TUB: variants seen among roughly 807,000 people sequenced by gnomAD.
The protein encoded by TUB is tubby protein homolog.
TUB carries 33 observed loss-of-function variants against 59.7 expected under a neutral mutation model. The observed-to-expected ratio is 0.55, with a 90% CI of 0.42 to 0.74. TUB has a LOEUF of 0.74. TUB is among the 30% of genes least tolerant of loss of function. The pLI is 0.00. For synonymous variants in TUB, 293 were observed against 256.4 expected (o/e 1.14, Z -1.36); for missense variants, 659 against 672.0 (o/e 0.98, Z 0.21).
At chr11:8,046,129 A>C (rs1942828181) in intron 2 of TUB, among the ~76,000 whole-genome samples, 1 of 147,720 alleles carries the variant, frequency 6.8e-6, no homozygotes, top group African/African-American at 2.5e-5. Context: ...TTGCTCTCTC[A>C]CTCTCTAGCT....
At chr11:8,074,739 CTTTTTTTTTTTTTTTTT>C (rs1157516500) in intron 2 of TUB, among the ~76,000 whole-genome samples, 6 of 60,616 alleles carry the variant, frequency 9.9e-5, no homozygotes, top group African/African-American at 4.3e-4. Context: ...GACCTCGTGT[CTTTTTTTTTTTTTTTTT>C]TTTTTTTTGA....
rs375580665 is a variant in TUB at position 8,090,135 on chromosome 11, G to T, written c.157G>T (p.Asp53Tyr). 45 of 1,613,468 alleles carry T rather than the reference G, an allele frequency of 2.8e-5. No homozygotes were observed. Among genetic ancestry groups the T allele is most frequent in the Non-Finnish European group, 3.7e-5 (44 of 1,179,864 alleles). The change falls in exon 3 of 12, where the codon GAT becomes TAT. Residue 53 changes from aspartate to tyrosine, a missense_variant. Asp to Tyr is a radical substitution (Grantham distance 160). Transcript: ENST00000299506. ...QEPLMVQANADGRPRSRRARQ... is the reference protein window; with the variant it reads ...QEPLMVQANAYGRPRSRRARQ... ...GCCCCTGATGGTGCAGGCCAATGCA[G>T]ATGGGCGGCCCCGGAGCCGGCGGGC...
rs201958396 is a variant in TUB, at chr11:8,100,436, T to TC, written c.1117-60dup. On this transcript the variant is annotated intron_variant, in intron 9 of 11. Transcript: ENST00000299506. ...AACTAGCTCTTCCTCTTTATTCCCG[T>TC]CCCCCCCACCTTCTCCAGTAGGTAA... The TC allele has an allele frequency of 6.4e-4, 803 of 1,261,928 alleles. 3 individuals are homozygous for TC. The African/African-American group carries it at 7.3e-3, about 12-fold the overall frequency. 78.2% of individuals were successfully genotyped at this position (1,261,928 alleles called of 1,614,324 possible).
exon 1 of TUB, chr11:8,039,013 G>A (rs907399842): frequency 1.9e-6 from 3 of 1,613,220 alleles, no homozygotes; most frequent in Non-Finnish European, 2.5e-6. Flanking sequence ...CTGAAACGGG[G>A]CCACCGAAGA....
chr11:8,027,184 G>A (rs1386594871), intron 1 of TUB, among the ~76,000 whole-genome samples: 1 of 152,140 alleles, frequency 6.6e-6, no homozygotes, highest in Non-Finnish European at 1.5e-5. Context: ...TACATTCACA[G>A]TATTGTGCAA....
intron 2 of TUB, among the ~76,000 whole-genome samples, chr11:8,069,874 A>T (rs991418911): frequency 5.6e-5 from 8 of 141,986 alleles, no homozygotes; most frequent in African/African-American, 1.9e-4. Flanking sequence ...TGAGAGAAAC[A>T]GGCAAAAAAG....
At chr11:8,064,714 G>T (rs941921441) in intron 2 of TUB, among the ~76,000 whole-genome samples, 2 of 152,220 alleles carry the variant, frequency 1.3e-5, no homozygotes, top group Non-Finnish European at 2.9e-5. Flanking sequence ...ATGAAACCCA[G>T]TGATAGAAAC....
In TUB at chr11:8,074,739, CTTTTTTTTTTTTT is replaced by C. The variant is rs1157516500; in HGVS notation, c.204-14858_204-14846del. 3.3e-5 allele frequency among the ~76,000 whole-genome samples: 2 copies of C among 60,616 alleles called. 1 individual carries two copies. The highest frequency in any genetic ancestry group is 1.4e-4 in the African/African-American group (2 of 14,092). The allele number at this position is 60,616 out of a possible 152,430, so 39.8% of individuals were successfully genotyped here. A position where few individuals can be genotyped will look rare whatever the true frequency, so the allele number is the denominator to read the frequency against. ...TGGGTGATAGAGTGAGACCTCGTGT[CTTTTTTTTTTTTT>C]TTTTTTTTTTTTGAGACGGAGTCTC... On this transcript the variant is annotated intron_variant, in intron 2 of 12. Transcript: ENST00000305253.
upstream of TUB, among the ~76,000 whole-genome samples, chr11:8,033,676 C>CGGCAGAGAT (rs1942607226): frequency 6.6e-6 from 1 of 152,242 alleles, no homozygotes; most frequent in African/African-American, 2.4e-5. Context: ...GGGCCTGGCA[C>CGGCAGAGAT]GGCAGAGATG....
chr11:8,073,422 A>G (rs1047624777), intron 2 of TUB, among the ~76,000 whole-genome samples: 3 of 152,264 alleles, frequency 2.0e-5, no homozygotes, highest in South Asian at 2.1e-4. Flanking sequence ...TTAAATAATC[A>G]TGGTTTTCTT....
chr11:8,088,268 G>T (rs1004593876), intron 1 of TUB, among the ~76,000 whole-genome samples: 3 of 152,172 alleles, frequency 2.0e-5, no homozygotes, highest in Admixed American at 2.0e-4. Context: ...TGTGTTATGG[G>T]GGCTTCCTTC....
chr11:8,036,965 A>G (rs187372252), upstream of TUB, among the ~76,000 whole-genome samples: 12 of 152,306 alleles, frequency 7.9e-5, no homozygotes, highest in East Asian at 1.5e-3. Flanking sequence ...GCAGGAAGGA[A>G]ACCAGGGAGG....
chr11:8,042,681 A>C (rs937936977), intron 2 of TUB, among the ~76,000 whole-genome samples: 24 of 152,202 alleles, frequency 1.6e-4, no homozygotes, highest in Admixed American at 5.2e-4. Context: ...GGTTTGGCTT[A>C]CATTTCCCTG....
chr11:8,073,904 AAGAGCAGAAC>A (rs755435452), intron 2 of TUB, among the ~76,000 whole-genome samples: 95,108 of 141,722 alleles, frequency 0.67, 30,504 homozygotes, highest in African/African-American at 0.79. Flanking sequence ...AGAGCAGGTA[AAGAGCAGAAC>A]CGTAGTTCAG....
chr11:8,078,657 A>C (rs1943489591), upstream of TUB, among the ~76,000 whole-genome samples: 4 of 152,098 alleles, frequency 2.6e-5, no homozygotes, highest in South Asian at 8.3e-4. Flanking sequence ...CTGCACGCGT[A>C]CCATCCAACA....
chr11:8,097,516 A>G (rs7950355), intron 7 of TUB, 91 bp downstream of exon 7: 1,538,880 of 1,544,282 alleles, frequency 1, 766,890 homozygotes, highest in Non-Finnish European at 1. Context: ...CATATCTACC[A>G]CTGACCTCTC....
intron 2 of TUB, among the ~76,000 whole-genome samples, chr11:8,052,048 C>T (rs1024122300): frequency 6.6e-6 from 1 of 152,242 alleles, no homozygotes; most frequent in Non-Finnish European, 1.5e-5. Flanking sequence ...GTCGATACCA[C>T]TGTTTTTGGT....
exon 1 of TUB, chr11:8,038,802 A>G: frequency 1.3e-6 from 2 of 1,556,662 alleles, no homozygotes; most frequent in South Asian, 2.5e-5. Flanking sequence ...AGGGAATTTC[A>G]ACAGGCTCCA....
intron 6 of TUB, 63 bp from the exon 7 acceptor site, chr11:8,097,165 A>T: frequency 6.3e-7 from 1 of 1,582,436 alleles, no homozygotes; most frequent in South Asian, 1.1e-5. Context: ...TTTGGATCCC[A>T]GACCACCAAT....
Sources: allele counts gnomAD v4.1 joint callset (sites outside exome capture counted in the v4.1 genomes callset), GRCh38; gene constraint gnomAD v4.1.1; transcripts MANE v1.5; gene names NCBI Gene and HGNC (gene_info 2026-07-23, HGNC 2026-07-21).